Variants in MYPN observed in about 807,000 individuals in gnomAD.
The protein encoded by MYPN is sarcomeric protein myopalladin, 145 kDa (MYOP).
In MYPN, 63 loss-of-function variants were observed where a neutral mutation model predicts 129.4. The observed-to-expected ratio is 0.49, with a 90% CI of 0.40 to 0.60. The LOEUF (loss-of-function observed/expected upper bound fraction) is 0.60. MYPN is among the 20% of genes least tolerant of loss of function. The pLI is 0.00. For missense variants in MYPN, 1,596 were observed against 1,635.4 expected (o/e 0.98, Z 0.42); for synonymous variants, 629 against 600.9 (o/e 1.05, Z -0.68).
intron 2 of MYPN, among the ~76,000 whole-genome samples, chr10:68,142,559 A>G (rs866635723): frequency 2.2e-4 from 34 of 152,316 alleles, no homozygotes; most frequent in Middle Eastern, 3.4e-3. Context: ...ACGAACCTGT[A>G]TTATCTCTTA....
rs189718354 is a variant in MYPN, at chr10:68,121,604, G to C, written c.166G>C (p.Gly56Arg). Reference protein sequence around the residue: ...SPSGAAEGGGGQDDLPDLSAF... With the variant: ...SPSGAAEGGGRQDDLPDLSAF... ...TTCTGGGGCCGCTGAAGGAGGCGGAGGCCAAGATGACCTTCCAGATCTTTC... is the reference window on the plus strand; with the variant it reads ...TTCTGGGGCCGCTGAAGGAGGCGGACGCCAAGATGACCTTCCAGATCTTTC... The change falls in exon 2 of 20, where the codon GGC (glycine) becomes CGC (arginine). Residue 56 changes from glycine (G) to arginine (R), a missense_variant. Gly to Arg is a moderately radical substitution (Grantham distance 125, BLOSUM62 -2). Transcript: ENST00000358913. 3.1e-6 allele frequency: 5 copies of C among 1,614,218 alleles called. No homozygotes were observed. Among genetic ancestry groups the C allele is most frequent in the Non-Finnish European group, 4.2e-6 (5 of 1,180,048 alleles).
upstream of MYPN, chr10:68,109,310 T>A (rs1445595879): frequency 7.2e-6 from 2 of 279,676 alleles, no homozygotes; most frequent in Non-Finnish European, 1.4e-5. Context: ...CGTCAATCAA[T>A]AAATAACATG....
chr10:68,177,713 G>T (rs898708414), intron 12 of MYPN, among the ~76,000 whole-genome samples: 2 of 152,182 alleles, frequency 1.3e-5, no homozygotes, highest in African/African-American at 4.8e-5. Context: ...CCTGTGTATT[G>T]ATAGTCGTCT....
At chr10:68,204,318 T>C (rs1177375116) in intron 18 of MYPN, among the ~76,000 whole-genome samples, 1 of 152,210 alleles carries the variant, frequency 6.6e-6, no homozygotes, top group East Asian at 1.9e-4. Context: ...TTTCCACGGC[T>C]ATTGCCTCAC....
At position 68,211,575 on chromosome 10, in the gene MYPN, T is replaced by C. The variant is rs1673; in HGVS notation, c.*1120T>C. 217,587 of 453,772 alleles carry C rather than the reference T, an allele frequency of 0.48. 54,457 individuals are homozygous for C. Among genetic ancestry groups the C allele is most frequent in the African/African-American group, 0.7 (34,795 of 50,026 alleles). 28.1% of individuals were successfully genotyped at this position (453,772 alleles called of 1,614,324 possible). ...GGAGAAAGGGGAATATGCATCTTTA[T>C]TCTAATCACCAATTCAAACCCTGCC... On this transcript the variant is annotated 3_prime_UTR_variant, in exon 20 of 20. Coordinates refer to ENST00000358913, the MANE Select transcript of MYPN (RefSeq NM_032578.4).
intron 4 of MYPN, among the ~76,000 whole-genome samples, chr10:68,147,235 A>C (rs1166328506): frequency 1.3e-5 from 2 of 152,220 alleles, no homozygotes; most frequent in Non-Finnish European, 2.9e-5. Context: ...GCTCACTGCA[A>C]CCTCTGCCAC....
At chr10:68,139,851 C>T (rs2042547357) in intron 2 of MYPN, among the ~76,000 whole-genome samples, 1 of 152,212 alleles carries the variant, frequency 6.6e-6, no homozygotes, top group South Asian at 2.1e-4. Context: ...ATTGTAGGTG[C>T]TGACATTGTA....
chr10:68,129,464 T>A (rs2042376289), intron 2 of MYPN, among the ~76,000 whole-genome samples: 1 of 152,234 alleles, frequency 6.6e-6, no homozygotes, highest in Non-Finnish European at 1.5e-5. Context: ...AGTATTTTAC[T>A]GTATGGCTAG....
chr10:68,105,565 T>C (rs2042005488), upstream of MYPN, among the ~76,000 whole-genome samples: 1 of 152,198 alleles, frequency 6.6e-6, no homozygotes. Context: ...TTCTTGGAAA[T>C]AATACTTTTT....
At chr10:68,178,887 C>A (rs2043270356) in intron 12 of MYPN, among the ~76,000 whole-genome samples, 1 of 151,874 alleles carries the variant, frequency 6.6e-6, no homozygotes. Flanking sequence ...CTACCCCCAG[C>A]TAATGTCTTA....
intron 12 of MYPN, among the ~76,000 whole-genome samples, chr10:68,182,375 TATATAACACATATATAAC>T (rs1221001785): frequency 0.066 from 7,149 of 107,708 alleles, 1,371 homozygotes; most frequent in East Asian, 0.082. Flanking sequence ...ATATATAACA[TATATAACACATATATAAC>T]ATATATATAA....
rs772807056 is a variant in MYPN at position 68,175,353 on chromosome 10, A to G, written c.2595A>G (p.Thr865=). 1 of 1,614,102 alleles carries G rather than the reference A, an allele frequency of 6.2e-7. No individual in the cohort carries two copies. Among genetic ancestry groups the G allele is most frequent in the South Asian group, 1.1e-5 (1 of 91,078 alleles). ...CCCAGGGATTAGCGAAGAAAAATAC[A>G]AAGTCTCCTCAACCAGTGAATGATG... ...MPSQGLAKKN[T]KSPQPVNDDN... is the part of the protein sequence containing the mutation. The change falls in exon 12 of 20, where the codon ACA becomes ACG. Residue 865 remains threonine, a synonymous_variant. Coordinates refer to ENST00000358913, the MANE Select transcript of MYPN (RefSeq NM_032578.4).
Position 68,121,484 on chromosome 10 carries a change from C to T in MYPN, c.46C>T (p.Leu16=), listed in dbSNP as rs2133993232. The T allele has an allele frequency of 6.2e-7, 1 of 1,614,054 alleles. No homozygotes were observed. Among genetic ancestry groups the T allele is most frequent in the Non-Finnish European group, 8.5e-7 (1 of 1,179,930 alleles). ...IEASTSISQL[L]RESYLAETRH... is the part of the protein sequence containing the mutation. ...AGCTTCTACTTCCATATCTCAGCTT[C>T]TAAGAGAGAGCTATTTAGCTGAAAC... is the stretch of plus-strand genomic sequence containing the variant. The change falls in exon 2 of 20, where the codon CTA becomes TTA. Residue 16 remains leucine (L), a synonymous_variant. Coordinates refer to ENST00000358913, the MANE Select transcript of MYPN (RefSeq NM_032578.4).
chr10:68,145,663 A>C lies in MYPN; in HGVS notation c.1130+137A>C, dbSNP rs911045120. 3 of 716,502 alleles carry C rather than the reference A, an allele frequency of 4.2e-6. No individual in the cohort carries two copies. The African/African-American group carries it at 5.5e-5, about 13-fold the overall frequency. 44.4% of individuals were successfully genotyped at this position (716,502 alleles called of 1,614,324 possible). Reference sequence around the variant, plus strand: ...CACAAAAATAAATAAATAAACAAACAAACAAACAAACAAATTGAGTGGATT... The same window carrying C: ...CACAAAAATAAATAAATAAACAAACCAACAAACAAACAAATTGAGTGGATT... On this transcript the variant is annotated intron_variant, in intron 4 of 19. Coordinates refer to ENST00000358913, the MANE Select transcript of MYPN (RefSeq NM_032578.4).
chr10:68,127,344 T>TG (rs72177471), intron 2 of MYPN, among the ~76,000 whole-genome samples: 2 of 134,064 alleles, frequency 1.5e-5, no homozygotes, highest in East Asian at 2.2e-4. Flanking sequence ...TTTTTTTTTT[T>TG]GAGATGAAGT....
At chr10:68,107,341 C>CTTTTT (rs1217100514), upstream of MYPN, among the ~76,000 whole-genome samples, 54 of 113,392 alleles carry the variant, frequency 4.8e-4, no homozygotes, top group Non-Finnish European at 7.8e-4. Flanking sequence ...CTTCTCTTTT[C>CTTTTT]TTTTTTTTTT....
At chr10:68,095,472 C>T (rs2041952240) in intron 1 of MYPN, among the ~76,000 whole-genome samples, 1 of 152,162 alleles carries the variant, frequency 6.6e-6, no homozygotes, top group African/African-American at 2.4e-5. Context: ...ACAAATCACA[C>T]TGCAGACCAG....
At chr10:68,097,436 T>A (rs748674691) in intron 1 of MYPN, among the ~76,000 whole-genome samples, 5 of 152,202 alleles carry the variant, frequency 3.3e-5, no homozygotes, top group Non-Finnish European at 7.3e-5. Flanking sequence ...TGTGCTCCAC[T>A]CTGTGACTTC....
At chr10:68,141,797 A>G (rs1026215914) in intron 2 of MYPN, among the ~76,000 whole-genome samples, 9 of 151,860 alleles carry the variant, frequency 5.9e-5, no homozygotes, top group African/African-American at 1.9e-4. Context: ...ACATAATGAA[A>G]CCCGTAAACC....
Sources: allele counts gnomAD v4.1 joint callset (sites outside exome capture counted in the v4.1 genomes callset), GRCh38; gene constraint gnomAD v4.1.1; transcripts MANE v1.5; gene names NCBI Gene and HGNC (gene_info 2026-07-23, HGNC 2026-07-21).